The following ZFYVE26 variants were observed in gnomAD, a reference collection of about 807,000 sequenced individuals.
ZFYVE26 encodes zinc finger FYVE domain-containing protein 26.
Under a neutral mutation model 276.5 loss-of-function variants are expected in ZFYVE26, and 181 were observed. The ratio of observed to expected loss-of-function variants is 0.65; its 90% CI spans 0.58 to 0.74. The LOEUF is 0.74. ZFYVE26 is among the 30% of genes least tolerant of loss of function. ZFYVE26 has a pLI of 0.00. For synonymous variants in ZFYVE26, 1,129 were observed against 1,203.1 expected (o/e 0.94, Z 1.27); for missense variants, 2,821 against 3,097.9 (o/e 0.91, Z 2.12).
exon 14 of ZFYVE26, chr14:67,729,623 C>T (rs2038241311): frequency 1.6e-6 from 1 of 623,066 alleles, no homozygotes. Context: ...GAAAACTTTG[C>T]AGCTTTCTGA....
intron 29 of ZFYVE26, 43 bp downstream of exon 29, chr14:67,769,551 G>A: frequency 6.2e-7 from 1 of 1,611,102 alleles, no homozygotes. Context: ...GCGGAAGGGT[G>A]CAGCGGTCAA....
At position 67,781,500 on chromosome 14, in the gene ZFYVE26, C is replaced by T. The variant is rs148925506; in HGVS notation, c.4402G>A (p.Val1468Met). 3.2e-5 allele frequency: 51 copies of T among 1,613,988 alleles called. No individual in the cohort carries two copies. The highest frequency in any genetic ancestry group is 1.4e-4 in the South Asian group (13 of 91,082). The change falls in exon 22 of 42, where the codon GTG becomes ATG. Residue 1468 changes from valine (V) to methionine (M), a missense_variant. Coordinates refer to ENST00000347230, the MANE Select transcript of ZFYVE26 (RefSeq NM_015346.4). ...DKEGWQYLFP[V>M]KDASLRSRLA... ...CGACTTCTCAGAGATGCATCCTTCA[C>T]GGGAAACAGGTATTGCCAACCTTCT... is the stretch of plus-strand genomic sequence containing the variant.
intron 12 of ZFYVE26, among the ~76,000 whole-genome samples, chr14:67,795,048 G>A (rs1183433017): frequency 1.3e-5 from 2 of 152,124 alleles, no homozygotes; most frequent in Admixed American, 6.5e-5. Flanking sequence ...CTCAACACCA[G>A]GCTTCCTAAC....
At chr14:67,773,550 G>GGT (rs1555395751) in intron 27 of ZFYVE26, among the ~76,000 whole-genome samples, 2 of 15,620 alleles carry the variant, frequency 1.3e-4, no homozygotes, top group Non-Finnish European at 8.3e-4. Context: ...AAAAAAAAAA[G>GGT]GCGCACACAC....
chr14:67,776,044 CA>C lies in ZFYVE26; in HGVS notation c.5036del (p.Leu1679ArgfsTer9), dbSNP rs753426920. The C allele has an allele frequency of 1.2e-6, 2 of 1,614,238 alleles. No homozygotes were observed. The highest frequency in any genetic ancestry group is 8.5e-7 in the Non-Finnish European group (1 of 1,180,040). The stretch of plus-strand genomic sequence containing the variant: ...TCATAAGCAGCTGCTCCAGCATGAA[CA>C]GGGGGTTAGAGGACAAGTGGGAATA... ...ASYSHLSSNP[L>X]FMLEQLLMNM... On this transcript the variant is annotated frameshift_variant, in exon 26 of 42. Coordinates refer to ENST00000347230, the MANE Select transcript of ZFYVE26 (RefSeq NM_015346.4). LOFTEE classifies it high-confidence loss of function.
chr14:67,803,059 A>C (rs1264192778), intron 9 of ZFYVE26, among the ~76,000 whole-genome samples: 1 of 152,236 alleles, frequency 6.6e-6, no homozygotes. Context: ...GTCAATTAAA[A>C]ATAGGGTAAA....
intron 9 of ZFYVE26, 52 bp downstream of exon 9, chr14:67,804,049 G>T: frequency 6.2e-7 from 1 of 1,606,336 alleles, no homozygotes; most frequent in African/African-American, 1.3e-5. Context: ...GAAGAAATGT[G>T]TAAGAATGTC....
At chr14:67,745,425 A>C (rs567320342), downstream of ZFYVE26, among the ~76,000 whole-genome samples, 1 of 151,964 alleles carries the variant, frequency 6.6e-6, no homozygotes, top group East Asian at 1.9e-4. Context: ...ACATTCAGAG[A>C]AACTTCTCTA....
chr14:67,780,449 C>T (rs775920474), intron 22 of ZFYVE26, 104 bp from the exon 23 acceptor site: 2 of 1,032,924 alleles, frequency 1.9e-6, no homozygotes, highest in Non-Finnish European at 2.9e-6. Context: ...ATCTCTGCCC[C>T]AAAGTCAGGC....
rs2038515751 is a variant in ZFYVE26, at chr14:67,747,591, C to T, written c.*845G>A. On this transcript the variant is annotated 3_prime_UTR_variant, in exon 42 of 42. Transcript: ENST00000347230. ...GAAGTCCCATTCTCTCACCCACCAACTTTGCAGCAGGGACATTCACAACAG... is the reference window on the plus strand; with the variant it reads ...GAAGTCCCATTCTCTCACCCACCAATTTTGCAGCAGGGACATTCACAACAG... 1 of 152,576 alleles carries T rather than the reference C, an allele frequency of 6.6e-6. No individual in the cohort carries two copies. Among genetic ancestry groups the T allele is most frequent in the Non-Finnish European group, 1.5e-5 (1 of 68,322 alleles). The allele number at this position is 152,576 out of a possible 1,614,324, so 9.5% of individuals were successfully genotyped here. A position where few individuals can be genotyped will look rare whatever the true frequency, so the allele number is the denominator to read the frequency against.
At chr14:67,750,942 G>C in intron 41 of ZFYVE26, 110 bp downstream of exon 41, 1 of 1,355,900 alleles carries the variant, frequency 7.4e-7, no homozygotes, top group Non-Finnish European at 1.1e-6. Flanking sequence ...TACAGAAGCT[G>C]AGATACGGGT....
At chr14:67,771,302 T>C (rs2039202223) in intron 28 of ZFYVE26, among the ~76,000 whole-genome samples, 2 of 152,260 alleles carry the variant, frequency 1.3e-5, no homozygotes, top group African/African-American at 2.4e-5. Flanking sequence ...GCAAAAGATA[T>C]GATCTTGTTC....
At chr14:67,809,845 C>T (rs1050953157) in intron 3 of ZFYVE26, among the ~76,000 whole-genome samples, 8 of 139,478 alleles carry the variant, frequency 5.7e-5, no homozygotes, top group South Asian at 2.2e-4. Context: ...AGTGTAGTGG[C>T]GCAATCTCAG....
intron 24 of ZFYVE26, among the ~76,000 whole-genome samples, 166 bp downstream of exon 24, chr14:67,777,960 T>G (rs2039391634): frequency 6.6e-6 from 1 of 152,038 alleles, no homozygotes; most frequent in Non-Finnish European, 1.5e-5. Flanking sequence ...TGGCACCTAA[T>G]GCAAGGCTAG....
rs2038704238 is a variant in ZFYVE26, at chr14:67,753,621, T to A, written c.7188+86A>T. 3 of 1,411,358 alleles carry A rather than the reference T, an allele frequency of 2.1e-6. No homozygotes were observed. The East Asian group carries it at 7.1e-5, about 34-fold the overall frequency. The allele number at this position is 1,411,358 out of a possible 1,614,324, so 87.4% of individuals were successfully genotyped here. ...GCATGTAAATCCACTTTTCTTGGGA[T>A]AAGAATTTCCTAAAGAATAATCTCT... On this transcript the variant is annotated intron_variant, in intron 39 of 41. Coordinates refer to ENST00000347230, the MANE Select transcript of ZFYVE26 (RefSeq NM_015346.4).
intron 40 of ZFYVE26, among the ~76,000 whole-genome samples, chr14:67,752,129 T>C (rs758918638): frequency 6.6e-6 from 1 of 152,208 alleles, no homozygotes; most frequent in Admixed American, 6.5e-5. Flanking sequence ...CACAATGGGA[T>C]GTTGAGGGTC....
Position 67,783,302 on chromosome 14 carries a change from A to T in ZFYVE26, c.3850T>A (p.Leu1284Met), listed in dbSNP as rs1158280288. ...SSPRTTENPT[L>M]ERKPYSSPRD... is the part of the protein sequence containing the mutation. The stretch of plus-strand genomic sequence containing the variant: ...GGGGAGGAGTAGGGCTTTCTTTCCA[A>T]TGTAGGGTTCTCAGTTGTCCTCGGG... Residue 1284 changes from leucine (L) to methionine (M), a missense_variant, in exon 21 of 42, where the codon TTG becomes ATG. By Grantham distance (15) the Leu-to-Met change is conservative (BLOSUM62 2). Coordinates refer to ENST00000347230, the MANE Select transcript of ZFYVE26 (RefSeq NM_015346.4). The T allele has an allele frequency of 3.7e-6, 6 of 1,613,192 alleles. No homozygotes were observed. The South Asian group carries it at 5.5e-5, about 15-fold the overall frequency.
chr14:67,804,988 G>C (rs566682140), intron 8 of ZFYVE26, among the ~76,000 whole-genome samples: 2 of 152,290 alleles, frequency 1.3e-5, no homozygotes, highest in South Asian at 4.1e-4. Context: ...TGTTCTTTTT[G>C]TTACTGTCAT....
chr14:67,733,917 CA>C, intron 13 of ZFYVE26: 1 of 1,185,448 alleles, frequency 8.4e-7, no homozygotes. Flanking sequence ...AGGAGAAGGC[CA>C]ACCCTAAAGG....
Sources: gnomAD v4.1 joint callset for allele counts (sites outside exome capture counted in the v4.1 genomes callset) on GRCh38, gnomAD v4.1.1 for gene constraint, MANE v1.5 for transcripts, NCBI Gene and HGNC (gene_info 2026-07-23, HGNC 2026-07-21) for gene names.